The following OLFM1 variants were observed in gnomAD, a reference collection of about 807,000 sequenced individuals.
OLFM1 encodes olfactomedin 1, also known as noelin.
OLFM1 carries 9 observed loss-of-function variants against 49.7 expected under a neutral mutation model. The observed-to-expected ratio is 0.18, with a 90% CI of 0.11 to 0.32. The LOEUF is 0.32. Among genes scored for constraint, OLFM1 ranks in the 10% least tolerant of loss-of-function variants. The pLI is 1.00. For missense variants in OLFM1, 369 were observed against 661.8 expected, an observed-to-expected ratio of 0.56 and a Z score of 4.85; for synonymous variants, 240 against 271.8, an observed-to-expected ratio of 0.88 and a Z score of 1.15.
rs543095770 is a variant in OLFM1, at chr9:135,082,191, T to C, written c.96+6389T>C. 4.6e-5 allele frequency among the ~76,000 whole-genome samples: 7 copies of C among 152,232 alleles called. No homozygotes were observed. The South Asian group carries it at 1.2e-3, about 27-fold the overall frequency. On this transcript the variant is annotated intron_variant, in intron 1 of 5. Coordinates refer to the OLFM1 transcript ENST00000252854. Reference sequence around the variant, plus strand: ...AATCTGATTGGAGAGTGTGTAGCCATGAAAAGTTGAGATGAAAGAGTGTAA... The same window carrying C: ...AATCTGATTGGAGAGTGTGTAGCCACGAAAAGTTGAGATGAAAGAGTGTAA...
intron 1 of OLFM1, chr9:135,076,988 C>T (rs781620635): frequency 1.4e-5 from 21 of 1,550,476 alleles, no homozygotes; most frequent in East Asian, 2.4e-5. Context: ...TATGTCGTCC[C>T]GCTTACCCTC....
chr9:135,083,902 C>T (rs7019640), upstream of OLFM1, among the ~76,000 whole-genome samples: 33,745 of 152,196 alleles, frequency 0.22, 3,836 homozygotes, highest in African/African-American at 0.25. Flanking sequence ...TCGCAGGTCA[C>T]ACAGCCACGC....
chr9:135,088,244 T>G lies in OLFM1; in HGVS notation c.150+105T>G. On this transcript the variant is annotated intron_variant, in intron 1 of 5. Transcript: ENST00000371793. The surrounding 1 kb of genome is among the most constrained non-coding windows in gnomAD (Gnocchi z 4.8). ...GGGCGGGCGCCGCGCGGGACCCGAGTCGCCCAGGGAGGCGGCGGGGAGCAG... is the reference window on the plus strand; with the variant it reads ...GGGCGGGCGCCGCGCGGGACCCGAGGCGCCCAGGGAGGCGGCGGGGAGCAG... The G allele has an allele frequency of 9.2e-7, 1 of 1,090,110 alleles. No individual in the cohort carries two copies. Among genetic ancestry groups the G allele is most frequent in the Non-Finnish European group, 1.2e-6 (1 of 867,258 alleles). The allele number at this position is 1,090,110 out of a possible 1,614,324, so 67.5% of individuals were successfully genotyped here.
At chr9:135,091,498 CAT>C (rs201528862) in intron 2 of OLFM1, among the ~76,000 whole-genome samples, 4,578 of 143,436 alleles carry the variant, frequency 0.032, 129 homozygotes, top group African/African-American at 0.078. Flanking sequence ...GTCACACACA[CAT>C]TCACACAGTC....
rs1001056766 is a variant in OLFM1 at position 135,076,017 on chromosome 9, C to T, written c.96+215C>T. Reference sequence around the variant, plus strand: ...TGACCGGAGACGGCGCTCCTCCAGCCCCGGCTCAGCAGAGCTGACAGCTGC... The same window carrying T: ...TGACCGGAGACGGCGCTCCTCCAGCTCCGGCTCAGCAGAGCTGACAGCTGC... On this transcript the variant is annotated intron_variant, in intron 1 of 5. Coordinates refer to the OLFM1 transcript ENST00000252854. The T allele has an allele frequency of 3.0e-5, 43 of 1,444,922 alleles. No homozygotes were observed. In the Middle Eastern group the frequency reaches 6.6e-4, roughly 22 times the overall value. The allele number at this position is 1,444,922 out of a possible 1,614,324, so 89.5% of individuals were successfully genotyped here.
chr9:135,086,485 C>T (rs188530944), upstream of OLFM1: 13 of 384,292 alleles, frequency 3.4e-5, no homozygotes, highest in East Asian at 6.5e-4. Context: ...GCGCTCCTTC[C>T]GGCCCGGCGT....
chr9:135,095,742 G>A (rs944226077), intron 2 of OLFM1, 122 bp from the exon 3 acceptor site: 11 of 997,768 alleles, frequency 1.1e-5, no homozygotes, highest in Non-Finnish European at 1.7e-5. Context: ...ATAATGCATG[G>A]GCCACTTCTG....
chr9:135,090,558 G>A (rs894460730), intron 2 of OLFM1, among the ~76,000 whole-genome samples: 6 of 152,144 alleles, frequency 3.9e-5, no homozygotes, highest in Admixed American at 6.5e-5. Flanking sequence ...ATGGATGGAC[G>A]GATGGGTGGA....
At chr9:135,077,383 C>T in intron 1 of OLFM1, 1 of 958,654 alleles carries the variant, frequency 1.0e-6, no homozygotes, top group East Asian at 2.9e-5. Context: ...AGATGCTTTT[C>T]CTCCCTAAGT....
At chr9:135,111,855 G>A (rs545069) in intron 5 of OLFM1, among the ~76,000 whole-genome samples, 1,788 of 151,634 alleles carry the variant, frequency 0.012, 17 homozygotes, top group South Asian at 0.021. Flanking sequence ...GATTACAGGC[G>A]CATGCCATCA....
At chr9:135,087,389 G>A, upstream of OLFM1, 2 of 1,546,868 alleles carry the variant, frequency 1.3e-6, no homozygotes, top group Non-Finnish European at 8.7e-7. Context: ...AGAAGCCCCG[G>A]GACGGGAGGG....
chr9:135,101,238 G>A (rs1398289032), intron 4 of OLFM1, among the ~76,000 whole-genome samples: 1 of 152,090 alleles, frequency 6.6e-6, no homozygotes, highest in Non-Finnish European at 1.5e-5. Context: ...GTAGTGGGCA[G>A]TTTCCTCCCC....
upstream of OLFM1, chr9:135,086,817 C>T (rs2119095285): frequency 4.6e-6 from 2 of 433,442 alleles, no homozygotes; most frequent in East Asian, 7.1e-5. Context: ...ACTCGAGCGC[C>T]ACCCCTGAGT....
intron 5 of OLFM1, among the ~76,000 whole-genome samples, chr9:135,119,178 G>A (rs765091881): frequency 6.6e-5 from 10 of 151,964 alleles, no homozygotes; most frequent in African/African-American, 9.6e-5. Context: ...AGTACTTACC[G>A]GGTCTTTGGA....
At chr9:135,118,791 CCG>C (rs1331745737) in intron 5 of OLFM1, among the ~76,000 whole-genome samples, 13 of 146,700 alleles carry the variant, frequency 8.9e-5, no homozygotes, top group Non-Finnish European at 1.5e-4. Context: ...GGAGTGCTCG[CCG>C]TGTCTTTGGA....
chr9:135,096,615 C>A (rs531873591), intron 3 of OLFM1, among the ~76,000 whole-genome samples: 1 of 152,210 alleles, frequency 6.6e-6, no homozygotes, highest in Non-Finnish European at 1.5e-5. Context: ...TGAGATCCTG[C>A]GCTGCCCGAG....
intron 5 of OLFM1, among the ~76,000 whole-genome samples, chr9:135,115,469 G>A (rs141558476): frequency 2.8e-4 from 43 of 152,354 alleles, no homozygotes; most frequent in Admixed American, 1.3e-3. Context: ...GAAATGGGCC[G>A]TTTACCTGGC....
At position 135,080,594 on chromosome 9, in the gene OLFM1, C is replaced by T. The variant is rs1830520136; in HGVS notation, c.96+4792C>T. On this transcript the variant is annotated intron_variant, in intron 1 of 5. Coordinates refer to the OLFM1 transcript ENST00000252854. The surrounding 1 kb of genome is among the most constrained non-coding windows in gnomAD (Gnocchi z 4.5). ...GAGACAGCTGCTCCGTCTCCTAAAG[C>T]AATTTGCTTCTCATTCCACTGACTT... 6.6e-6 allele frequency among the ~76,000 whole-genome samples: 1 copy of T among 152,082 alleles called. No homozygotes were observed. Among genetic ancestry groups the T allele is most frequent in the South Asian group, 2.1e-4 (1 of 4,836 alleles).
rs758593347 is a variant in OLFM1 at position 135,119,632 on chromosome 9, G to A, written c.912G>A (p.Val304=). Residue 304 remains valine (V), a synonymous_variant, in exon 6 of 6, where the codon GTG becomes GTA. Coordinates refer to ENST00000371793, the MANE Select transcript of OLFM1 (RefSeq NM_001282611.2). ...ACCCCTGGTCGGGCACGGGGCAGGT[G>A]GTCTACAACGGTTCTATCTACTTCA... ...LPHPWSGTGQ[V]VYNGSIYFNK... The A allele has an allele frequency of 7.4e-6, 12 of 1,614,162 alleles. No homozygotes were observed. The highest frequency in any genetic ancestry group is 1.0e-5 in the Non-Finnish European group (12 of 1,180,038).
Sources: gnomAD v4.1 joint callset for allele counts (sites outside exome capture counted in the v4.1 genomes callset) on GRCh38, gnomAD v4.1.1 for gene constraint, Gnocchi (gnomAD v3.1) non-coding constraint, MANE v1.5 for transcripts, NCBI Gene and HGNC (gene_info 2026-07-23, HGNC 2026-07-21) for gene names.